The following TIAM1 variants were observed in gnomAD, a reference collection of about 807,000 sequenced individuals.
TIAM1 encodes rho guanine nucleotide exchange factor TIAM1.
A neutral mutation model predicts 163.5 loss-of-function variants in TIAM1; 65 were observed. That is an observed-to-expected ratio of 0.40 (90% CI 0.33 to 0.49). TIAM1 has a LOEUF of 0.49. Among genes scored for constraint, TIAM1 ranks in the 20% least tolerant of loss-of-function variants. The pLI, the probability that TIAM1 is intolerant of heterozygous loss-of-function variation, is 0.77. For missense variants in TIAM1, 1,789 were observed against 2,044.7 expected, an observed-to-expected ratio of 0.87 and a Z score of 2.41; for synonymous variants, 833 against 810.1, an observed-to-expected ratio of 1.03 and a Z score of -0.48.
intron 2 of TIAM1, among the ~76,000 whole-genome samples, chr21:31,356,727 C>T: frequency 6.6e-6 from 1 of 152,198 alleles, no homozygotes; most frequent in Admixed American, 6.5e-5. Context: ...TATAAATTAT[C>T]CAGTCTGTGG....
At chr21:31,237,614 T>C (rs1569084922) in intron 6 of TIAM1, among the ~76,000 whole-genome samples, 1 of 152,228 alleles carries the variant, frequency 6.6e-6, no homozygotes, top group Non-Finnish European at 1.5e-5. Context: ...ACAATACCCT[T>C]GCACAAGTGA....
chr21:31,140,866 A>C (rs2082815849), intron 22 of TIAM1, among the ~76,000 whole-genome samples: 1 of 152,190 alleles, frequency 6.6e-6, no homozygotes, highest in African/African-American at 2.4e-5. Flanking sequence ...TTAACACAGA[A>C]TAAAGCCAGA....
intron 9 of TIAM1, 49 bp from the exon 10 acceptor site, chr21:31,213,521 A>G (rs2086999790): frequency 6.5e-7 from 1 of 1,543,592 alleles, no homozygotes; most frequent in African/African-American, 1.4e-5. Flanking sequence ...GCAACAGGGC[A>G]AACGAAACGT....
intron 5 of TIAM1, among the ~76,000 whole-genome samples, chr21:31,251,214 C>T (rs1013826642): frequency 3.9e-5 from 6 of 151,912 alleles, no homozygotes; most frequent in Admixed American, 2.6e-4. Flanking sequence ...GCATACATGC[C>T]AAAACTAGAC....
intron 2 of TIAM1, among the ~76,000 whole-genome samples, chr21:31,397,366 G>T (rs1324674816): frequency 6.6e-6 from 1 of 152,070 alleles, no homozygotes; most frequent in Non-Finnish European, 1.5e-5. Context: ...GCATCCAAAA[G>T]CTCTAAGGGT....
chr21:31,406,889 C>T (rs2077256997), intron 2 of TIAM1, among the ~76,000 whole-genome samples: 1 of 152,190 alleles, frequency 6.6e-6, no homozygotes, highest in African/African-American at 2.4e-5. Context: ...TTTTTAAGTT[C>T]TGCAGATCAC....
At chr21:31,229,289 T>G (rs1439947770) in intron 6 of TIAM1, among the ~76,000 whole-genome samples, 1 of 152,188 alleles carries the variant, frequency 6.6e-6, no homozygotes, top group Non-Finnish European at 1.5e-5. Flanking sequence ...CAGGGGTGTG[T>G]TCAGTTTGTT....
intron 1 of TIAM1, among the ~76,000 whole-genome samples, chr21:31,528,823 CAAATTA>C (rs904407625): frequency 8.3e-5 from 5 of 60,206 alleles, no homozygotes; most frequent in African/African-American, 1.2e-4. Context: ...AATAAACAAA[CAAATTA>C]AAAAAAAAAA....
chr21:31,330,903 C>G (rs1296931169), intron 2 of TIAM1, among the ~76,000 whole-genome samples: 1 of 147,962 alleles, frequency 6.8e-6, no homozygotes, highest in Non-Finnish European at 1.5e-5. Context: ...ATTTCTAATA[C>G]TATGATTTTT....
intron 2 of TIAM1, among the ~76,000 whole-genome samples, chr21:31,302,074 A>C (rs1219714335): frequency 6.6e-6 from 1 of 151,896 alleles, no homozygotes; most frequent in Non-Finnish European, 1.5e-5. Flanking sequence ...GTTTCTCTAA[A>C]ATTGTATTTT....
At chr21:31,241,789 T>G (rs963742547) in intron 6 of TIAM1, among the ~76,000 whole-genome samples, 1 of 152,224 alleles carries the variant, frequency 6.6e-6, no homozygotes, top group Non-Finnish European at 1.5e-5. Flanking sequence ...GGAAGACTGC[T>G]TGAAGCCAAG....
At chr21:31,413,048 T>C (rs1480825844) in intron 2 of TIAM1, among the ~76,000 whole-genome samples, 1 of 152,028 alleles carries the variant, frequency 6.6e-6, no homozygotes, top group African/African-American at 2.4e-5. Flanking sequence ...TATGCTGCAA[T>C]CTATGCATGT....
Position 31,459,504 on chromosome 21 carries a change from A to G in TIAM1, c.-369+4479T>C, listed in dbSNP as rs577939111. Among the ~76,000 whole-genome samples the G allele has an allele frequency of 2.6e-3, 399 of 152,358 alleles. 4 individuals are homozygous for G. Among genetic ancestry groups the G allele is most frequent in the South Asian group, 6.4e-3 (31 of 4,822 alleles). Reference sequence around the variant, plus strand: ...TCTGCCATTGATAAAGATATTCCAAAGAAGAATTCACTCCTAAAAGCTATT... The same window carrying G: ...TCTGCCATTGATAAAGATATTCCAAGGAAGAATTCACTCCTAAAAGCTATT... On this transcript the variant is annotated intron_variant, in intron 2 of 28. Coordinates refer to the TIAM1 transcript ENST00000286827.
intron 2 of TIAM1, among the ~76,000 whole-genome samples, chr21:31,283,021 A>G (rs1167148387): frequency 6.6e-6 from 1 of 152,236 alleles, no homozygotes; most frequent in East Asian, 1.9e-4. Context: ...TAAATCTTTG[A>G]CAATACTTAA....
At chr21:31,180,915 C>T (rs982370862) in intron 15 of TIAM1, among the ~76,000 whole-genome samples, 3 of 152,242 alleles carry the variant, frequency 2.0e-5, no homozygotes, top group Non-Finnish European at 2.9e-5. Flanking sequence ...TTGTCAAAAT[C>T]TTCCAAGGAG....
At chr21:31,308,288 C>T (rs1340976802) in intron 2 of TIAM1, among the ~76,000 whole-genome samples, 5 of 152,048 alleles carry the variant, frequency 3.3e-5, no homozygotes, top group Admixed American at 3.3e-4. Flanking sequence ...GGTTCGTCTG[C>T]ATGACCTTAG....
At chr21:31,223,659 C>T (rs1601610314) in intron 7 of TIAM1, 68 bp from the exon 8 acceptor site, 1 of 1,437,574 alleles carries the variant, frequency 7.0e-7, no homozygotes, top group Middle Eastern at 1.8e-4. Flanking sequence ...TATCTTTATC[C>T]TATACAGATC....
intron 12 of TIAM1, among the ~76,000 whole-genome samples, chr21:31,196,436 T>A (rs562432476): frequency 1.3e-5 from 2 of 151,554 alleles, no homozygotes; most frequent in South Asian, 4.2e-4. Flanking sequence ...CTCAGCCTCC[T>A]GAGTAGCTGG....
intron 1 of TIAM1, among the ~76,000 whole-genome samples, chr21:31,516,952 G>C (rs750727113): frequency 6.6e-6 from 1 of 151,052 alleles, no homozygotes; most frequent in Non-Finnish European, 1.5e-5. Flanking sequence ...GGGAGGCTGA[G>C]GCAGGAGAAT....
Sources: gnomAD v4.1 joint callset for allele counts (sites outside exome capture counted in the v4.1 genomes callset) on GRCh38, gnomAD v4.1.1 for gene constraint, MANE v1.5 for transcripts, NCBI Gene and HGNC (gene_info 2026-07-23, HGNC 2026-07-21) for gene names.